IFNE: variants seen among roughly 807,000 people sequenced by gnomAD.
IFNE encodes the protein interferon epsilon.
For synonymous variants in IFNE, 94 were observed against 87.4 expected (o/e 1.08, Z -0.42); for missense variants, 276 against 232.4 (o/e 1.19, Z -1.22).
rs773905169 is a variant in IFNE, at chr9:21,481,538, A to T, written c.157T>A (p.Cys53Ser). Residue 53 changes from cysteine to serine, a missense_variant, in exon 1 of 1, where the codon TGT becomes AGT. Physicochemically the swap from Cys to Ser is moderately radical, Grantham distance 112 (BLOSUM62 -1). Transcript: ENST00000448696. The part of the protein sequence containing the change: ...NKLQTLSIQQ[C>S]LPHRKNFLLP... ...AGAAAGTTTTTCCTGTGTGGTAGAC[A>T]CTGCTGAATTGACAAGGTTTGCAAC... 6.2e-7 allele frequency: 1 copy of T among 1,614,138 alleles called. No individual in the cohort carries two copies. The highest frequency in any genetic ancestry group is 1.1e-5 in the South Asian group (1 of 91,080).
Position 21,480,958 on chromosome 9 carries a change from AAC to A in IFNE, c.*108_*109del, listed in dbSNP as rs1819022502. 2.3e-6 allele frequency: 2 copies of A among 872,056 alleles called. No homozygotes were observed. The highest frequency in any genetic ancestry group is 2.7e-5 in the Admixed American group (1 of 37,582). The allele number at this position is 872,056 out of a possible 1,614,324, so 54.0% of individuals were successfully genotyped here. A position where few individuals can be genotyped will look rare whatever the true frequency, so the allele number is the denominator to read the frequency against. ...TTGTGGTCAATATGCACAATCTTAA[AAC>A]ACAGATAAATATATATATACACAAA... On this transcript the variant is annotated 3_prime_UTR_variant, in exon 1 of 1. Coordinates refer to ENST00000448696, the MANE Select transcript of IFNE (RefSeq NM_176891.5).
chr9:21,481,007 T>C lies in IFNE; in HGVS notation c.*61A>G. The stretch of plus-strand genomic sequence containing the variant: ...CAAAATCAAAGCAATGTGATTGTAC[T>C]ATAAATTGTATTACCACTCTATGAA... On this transcript the variant is annotated 3_prime_UTR_variant, in exon 1 of 1. Transcript: ENST00000448696. 1 of 1,294,730 alleles carries C rather than the reference T, an allele frequency of 7.7e-7. No homozygotes were observed. The highest frequency in any genetic ancestry group is 1.1e-6 in the Non-Finnish European group (1 of 933,136). 80.2% of individuals were successfully genotyped at this position (1,294,730 alleles called of 1,614,324 possible). A position where few individuals can be genotyped will look rare whatever the true frequency, so the allele number is the denominator to read the frequency against.
chr9:21,480,888 T>C lies in IFNE; in HGVS notation c.*180A>G, dbSNP rs1819020905. The C allele has an allele frequency of 2.0e-6, 1 of 493,168 alleles. No homozygotes were observed. Among genetic ancestry groups the C allele is most frequent in the Non-Finnish European group, 3.5e-6 (1 of 286,732 alleles). The allele number at this position is 493,168 out of a possible 1,614,324, so 30.5% of individuals were successfully genotyped here. A position where few individuals can be genotyped will look rare whatever the true frequency, so the allele number is the denominator to read the frequency against. On this transcript the variant is annotated 3_prime_UTR_variant, in exon 1 of 1. Transcript: ENST00000448696. ...AATTTATTTTGACATACAAACAATT[T>C]AAAATGGATAGAATATATAAAGCCA...
At position 21,481,121 on chromosome 9, in the gene IFNE, G is replaced by T; in HGVS notation, c.574C>A (p.Pro192Thr). 1 of 1,613,956 alleles carries T rather than the reference G, an allele frequency of 6.2e-7. No homozygotes were observed. The highest frequency in any genetic ancestry group is 1.3e-5 in the African/African-American group (1 of 74,998). Residue 192 changes from proline to threonine, a missense_variant, in exon 1 of 1, where the codon CCC becomes ACC. Coordinates refer to ENST00000448696, the MANE Select transcript of IFNE (RefSeq NM_176891.5). Reference sequence around the variant, plus strand: ...AGCTCTTGCTTCATGTCGTTCAAGGGTCTTCCTTGTTTGCTCAGTTTTTCT... The same window carrying T: ...AGCTCTTGCTTCATGTCGTTCAAGGTTCTTCCTTGTTTGCTCAGTTTTTCT... ...LTEKLSKQGR[P>T]LNDMKQELTT...
chr9:21,481,827 A>G lies in IFNE; in HGVS notation c.-133T>C, dbSNP rs1819057231. ...TTTGTTGCTTTCGTTTTCTAATGTC[A>G]TTTCTCCAAGTTTACACATTAGATT... On this transcript the variant is annotated 5_prime_UTR_variant, in exon 1 of 1. It removes an upstream start codon present in the reference 5' UTR. Transcript: ENST00000448696. 1 of 797,590 alleles carries G rather than the reference A, an allele frequency of 1.3e-6. No individual in the cohort carries two copies. The highest frequency in any genetic ancestry group is 2.9e-5 in the Admixed American group (1 of 34,144). The allele number at this position is 797,590 out of a possible 1,614,324, so 49.4% of individuals were successfully genotyped here. A position where few individuals can be genotyped will look rare whatever the true frequency, so the allele number is the denominator to read the frequency against.
In IFNE at chr9:21,481,449, A is replaced by T; in HGVS notation, c.246T>A (p.His82Gln). 3 of 1,614,172 alleles carry T rather than the reference A, an allele frequency of 1.9e-6. No homozygotes were observed. The highest frequency in any genetic ancestry group is 2.5e-6 in the Non-Finnish European group (3 of 1,180,014). The change falls in exon 1 of 1, where the codon CAT (histidine) becomes CAA (glutamine). Residue 82 changes from histidine to glutamine, a missense_variant. Physicochemically the swap from His to Gln is conservative, Grantham distance 24 (BLOSUM62 0). Transcript: ENST00000448696. ...GGCTGAAGATCTGCTGAAGCATCTC[A>T]TGGAGAATGGCCAGAGTGTGTCCTT... is the stretch of plus-strand genomic sequence containing the variant. Reference protein sequence around the residue: ...YQKGHTLAILHEMLQQIFSLF... With the variant: ...YQKGHTLAILQEMLQQIFSLF...
Position 21,481,678 on chromosome 9 carries a change from A to G in IFNE, c.17T>C (p.Phe6Ser). 6.2e-7 allele frequency: 1 copy of G among 1,611,894 alleles called. No individual in the cohort carries two copies. The highest frequency in any genetic ancestry group is 8.5e-7 in the Non-Finnish European group (1 of 1,178,928). Residue 6 changes from phenylalanine to serine, a missense_variant, in exon 1 of 1, where the codon TTC becomes TCC. Phe to Ser is a radical substitution (Grantham distance 155, BLOSUM62 -2). Transcript: ENST00000448696. Reference sequence around the variant, plus strand: ...CAGCAGCACCAACACAGTTCCAAAGAAGTGCTTGATAATCATGGTGAAGGT... The same window carrying G: ...CAGCAGCACCAACACAGTTCCAAAGGAGTGCTTGATAATCATGGTGAAGGT... MIIKH[F>S]FGTVLVLLAS...
chr9:21,481,581 A>G lies in IFNE; in HGVS notation c.114T>C (p.Ser38=), dbSNP rs143829129. Residue 38 remains serine, a synonymous_variant, in exon 1 of 1, where the codon AGT becomes AGC. Transcript: ENST00000448696. ...TTTGCAACTTATTCAAGAGTTTTAA[A>G]CTTTCTTGATTCACTTGTCTTTGCT... is the stretch of plus-strand genomic sequence containing the variant. ...IFQQRQVNQE[S]LKLLNKLQTL... is the part of the protein sequence containing the mutation. 1 of 1,614,110 alleles carries G rather than the reference A, an allele frequency of 6.2e-7. No individual in the cohort carries two copies. Among genetic ancestry groups the G allele is most frequent in the Non-Finnish European group, 8.5e-7 (1 of 1,179,992 alleles).
chr9:21,480,890 A>C lies in IFNE; in HGVS notation c.*178T>G. 1 of 498,426 alleles carries C rather than the reference A, an allele frequency of 2.0e-6. No homozygotes were observed. The highest frequency in any genetic ancestry group is 3.8e-5 in the Admixed American group (1 of 26,474). 30.9% of individuals were successfully genotyped at this position (498,426 alleles called of 1,614,324 possible). A position where few individuals can be genotyped will look rare whatever the true frequency, so the allele number is the denominator to read the frequency against. ...TTTATTTTGACATACAAACAATTTA[A>C]AATGGATAGAATATATAAAGCCACA... On this transcript the variant is annotated 3_prime_UTR_variant, in exon 1 of 1. Coordinates refer to ENST00000448696, the MANE Select transcript of IFNE (RefSeq NM_176891.5).
chr9:21,481,879 G>C lies in IFNE; in HGVS notation c.-185C>G, dbSNP rs1819058377. ...TCAGGTTCCCTTTTCATGGTGTTCAGAGTACATTTTCTCCATTTCCCTATT... is the reference window on the plus strand; with the variant it reads ...TCAGGTTCCCTTTTCATGGTGTTCACAGTACATTTTCTCCATTTCCCTATT... On this transcript the variant is annotated 5_prime_UTR_variant, in exon 1 of 1. Coordinates refer to ENST00000448696, the MANE Select transcript of IFNE (RefSeq NM_176891.5). 1 of 599,256 alleles carries C rather than the reference G, an allele frequency of 1.7e-6. No homozygotes were observed. The highest frequency in any genetic ancestry group is 3.5e-5 in the Admixed American group (1 of 28,764). The allele number at this position is 599,256 out of a possible 1,614,324, so 37.1% of individuals were successfully genotyped here. A position where few individuals can be genotyped will look rare whatever the true frequency, so the allele number is the denominator to read the frequency against.
rs1458105063 is a variant in IFNE at position 21,481,737 on chromosome 9, G to T, written c.-43C>A. ...CTACTTATCCCTGCATAGACTTAGG[G>T]AAATTCCAGCTCTAGTGAATGTTTG... On this transcript the variant is annotated 5_prime_UTR_variant, in exon 1 of 1. Coordinates refer to ENST00000448696, the MANE Select transcript of IFNE (RefSeq NM_176891.5). The T allele has an allele frequency of 6.5e-7, 1 of 1,533,008 alleles. No homozygotes were observed. 95.0% of individuals were successfully genotyped at this position (1,533,008 alleles called of 1,614,324 possible).
Position 21,481,116 on chromosome 9 carries a change from C to G in IFNE, c.579G>C (p.Leu193Phe). 1 of 1,613,886 alleles carries G rather than the reference C, an allele frequency of 6.2e-7. No homozygotes were observed. Among genetic ancestry groups the G allele is most frequent in the Non-Finnish European group, 8.5e-7 (1 of 1,179,908 alleles). Residue 193 changes from leucine (L) to phenylalanine (F), a missense_variant, in exon 1 of 1, where the codon TTG becomes TTC. Physicochemically the swap from Leu to Phe is conservative, Grantham distance 22. Transcript: ENST00000448696. The part of the protein sequence containing the change: ...TEKLSKQGRP[L>F]NDMKQELTTE... ...TAGTAAGCTCTTGCTTCATGTCGTT[C>G]AAGGGTCTTCCTTGTTTGCTCAGTT... is the stretch of plus-strand genomic sequence containing the variant.
Position 21,481,945 on chromosome 9 carries a change from T to A in IFNE, c.-251A>T. On this transcript the variant is annotated 5_prime_UTR_variant, in exon 1 of 1. It removes an upstream start codon present in the reference 5' UTR. Coordinates refer to ENST00000448696, the MANE Select transcript of IFNE (RefSeq NM_176891.5). ...AGGAAGTACCAAAATAACTTATTCA[T>A]TGTATGCTTTCCTTGAGGCAATTAC... The A allele has an allele frequency of 2.3e-6, 1 of 439,054 alleles. No homozygotes were observed. The highest frequency in any genetic ancestry group is 4.2e-6 in the Non-Finnish European group (1 of 238,768). The allele number at this position is 439,054 out of a possible 1,614,324, so 27.2% of individuals were successfully genotyped here. A position where few individuals can be genotyped will look rare whatever the true frequency, so the allele number is the denominator to read the frequency against.
Position 21,481,708 on chromosome 9 carries a change from T to TA in IFNE, c.-15dup. 5.0e-6 allele frequency: 8 copies of TA among 1,598,920 alleles called. No homozygotes were observed. The highest frequency in any genetic ancestry group is 6.8e-6 in the Non-Finnish European group (8 of 1,172,982). ...CTTGATAATCATGGTGAAGGTCAAA[T>TA]ATGCTACTTATCCCTGCATAGACTT... On this transcript the variant is annotated 5_prime_UTR_variant, in exon 1 of 1. Transcript: ENST00000448696.
In IFNE at chr9:21,481,240, T is replaced by G. The variant is rs373487864; in HGVS notation, c.455A>C (p.His152Pro). ...LQVKMYFRRI[H>P]DYLENQDYST... ...GTAGTCCTGGTTTTCCAGGTAATCA[T>G]GGATCCTTCGGAAGTACATTTTAAC... Residue 152 changes from histidine to proline, a missense_variant, in exon 1 of 1, where the codon CAT (histidine) becomes CCT (proline). By Grantham distance (77) the His-to-Pro change is moderately conservative (BLOSUM62 -2). Transcript: ENST00000448696. The G allele has an allele frequency of 9.3e-6, 15 of 1,614,050 alleles. No homozygotes were observed. Among genetic ancestry groups the G allele is most frequent in the Admixed American group, 1.7e-5 (1 of 60,006 alleles).
Position 21,481,883 on chromosome 9 carries a change from A to G in IFNE, c.-189T>C. 1.7e-6 allele frequency: 1 copy of G among 589,274 alleles called. No individual in the cohort carries two copies. Among genetic ancestry groups the G allele is most frequent in the Non-Finnish European group, 3.0e-6 (1 of 331,584 alleles). The allele number at this position is 589,274 out of a possible 1,614,324, so 36.5% of individuals were successfully genotyped here. On this transcript the variant is annotated 5_prime_UTR_variant, in exon 1 of 1. Coordinates refer to ENST00000448696, the MANE Select transcript of IFNE (RefSeq NM_176891.5). ...GTTCCCTTTTCATGGTGTTCAGAGTACATTTTCTCCATTTCCCTATTGTGT... is the reference window on the plus strand; with the variant it reads ...GTTCCCTTTTCATGGTGTTCAGAGTGCATTTTCTCCATTTCCCTATTGTGT...
chr9:21,481,551 C>T lies in IFNE; in HGVS notation c.144G>A (p.Leu48=), dbSNP rs1289701784. 1.2e-6 allele frequency: 2 copies of T among 1,613,974 alleles called. No individual in the cohort carries two copies. Among genetic ancestry groups the T allele is most frequent in the Admixed American group, 3.3e-5 (2 of 60,004 alleles). The change falls in exon 1 of 1, where the codon TTG becomes TTA. Residue 48 remains leucine (L), a synonymous_variant. Coordinates refer to ENST00000448696, the MANE Select transcript of IFNE (RefSeq NM_176891.5). ...TGTGTGGTAGACACTGCTGAATTGA[C>T]AAGGTTTGCAACTTATTCAAGAGTT... The part of the protein sequence containing the change: ...SLKLLNKLQT[L]SIQQCLPHRK...
In IFNE at chr9:21,481,686, G is replaced by C; in HGVS notation, c.9C>G (p.Ile3Met). Residue 3 changes from isoleucine to methionine, a missense_variant, in exon 1 of 1, where the codon ATC becomes ATG. Coordinates refer to ENST00000448696, the MANE Select transcript of IFNE (RefSeq NM_176891.5). ...CCAACACAGTTCCAAAGAAGTGCTT[G>C]ATAATCATGGTGAAGGTCAAATATG... MI[I>M]KHFFGTVLVL... The C allele has an allele frequency of 1.2e-6, 2 of 1,609,642 alleles. No individual in the cohort carries two copies. Among genetic ancestry groups the C allele is most frequent in the Non-Finnish European group, 1.7e-6 (2 of 1,177,812 alleles).
At position 21,480,969 on chromosome 9, in the gene IFNE, A is replaced by G; in HGVS notation, c.*99T>C. On this transcript the variant is annotated 3_prime_UTR_variant, in exon 1 of 1. Coordinates refer to ENST00000448696, the MANE Select transcript of IFNE (RefSeq NM_176891.5). ...ATGCACAATCTTAAAACACAGATAA[A>G]TATATATATACACAAAATCAAAGCA... 2 of 931,294 alleles carry G rather than the reference A, an allele frequency of 2.1e-6. No homozygotes were observed. Among genetic ancestry groups the G allele is most frequent in the Non-Finnish European group, 3.2e-6 (2 of 618,446 alleles). The allele number at this position is 931,294 out of a possible 1,614,324, so 57.7% of individuals were successfully genotyped here.
Sources: allele counts gnomAD v4.1 joint callset, GRCh38; gene constraint gnomAD v4.1.1; transcripts MANE v1.5; gene names NCBI Gene and HGNC (gene_info 2026-07-23, HGNC 2026-07-21).